The following EXD3 variants were observed in gnomAD, a reference collection of about 807,000 sequenced individuals.
The protein encoded by EXD3 is exonuclease mut-7 homolog.
A neutral mutation model predicts 98.0 loss-of-function variants in EXD3; 92 were observed. The observed-to-expected ratio is 0.94, with a 90% CI of 0.79 to 1.12. The LOEUF (loss-of-function observed/expected upper bound fraction) is 1.12. Among genes scored for constraint, EXD3 ranks in the 50% most tolerant of loss-of-function variants. EXD3 has a pLI of 0.00. For missense variants in EXD3, 1,222 were observed against 1,191.6 expected, an observed-to-expected ratio of 1.03 and a Z score of -0.38; for synonymous variants, 569 against 526.0, an observed-to-expected ratio of 1.08 and a Z score of -1.12.
intron 7 of EXD3, among the ~76,000 whole-genome samples, chr9:137,364,775 T>TTG (rs1397641109): frequency 1.3e-5 from 2 of 149,170 alleles, no homozygotes; most frequent in African/African-American, 2.5e-5. Flanking sequence ...TCTATGTTTT[T>TTG]TTTTTTTTTT....
At chr9:137,323,960 A>C (rs1832240274) in intron 18 of EXD3, 104 bp from the exon 19 acceptor site, 18 of 1,527,450 alleles carry the variant, frequency 1.2e-5, no homozygotes, top group Non-Finnish European at 1.5e-5. Context: ...CTCTCGGCCC[A>C]CCAGGGGTAC....
chr9:137,370,062 C>T (rs536790273), intron 5 of EXD3, among the ~76,000 whole-genome samples: 6 of 152,274 alleles, frequency 3.9e-5, no homozygotes, highest in African/African-American at 1.4e-4. Flanking sequence ...CCCCTAGCTC[C>T]ACCCTGGTAA....
chr9:137,365,754 G>GCACA (rs529700133), intron 7 of EXD3: 1 of 313,728 alleles, frequency 3.2e-6, no homozygotes, highest in Non-Finnish European at 6.2e-6. Context: ...ACACATACAT[G>GCACA]CACACACACA....
intron 17 of EXD3, among the ~76,000 whole-genome samples, chr9:137,329,980 G>A (rs1832908993): frequency 9.7e-6 from 1 of 102,698 alleles, no homozygotes; most frequent in Admixed American, 9.9e-5. Flanking sequence ...AGCTACACGG[G>A]ACTACACAGG....
At chr9:137,330,593 A>AGCTATACAGGAG (rs1191416865) in intron 17 of EXD3, among the ~76,000 whole-genome samples, 7 of 70,772 alleles carry the variant, frequency 9.9e-5, no homozygotes, top group Admixed American at 2.5e-4. Flanking sequence ...ACTACACAGG[A>AGCTATACAGGAG]CTACACAGGA....
intron 17 of EXD3, among the ~76,000 whole-genome samples, chr9:137,333,248 T>C (rs189191097): frequency 6.6e-6 from 1 of 152,328 alleles, no homozygotes; most frequent in Non-Finnish European, 1.5e-5. Flanking sequence ...GACTGAAGGC[T>C]GCACTGCCAG....
In EXD3 at chr9:137,352,658, C is replaced by G; in HGVS notation, c.999G>C (p.Ala333=). The G allele has an allele frequency of 7.1e-6, 11 of 1,549,256 alleles. No individual in the cohort carries two copies. Among genetic ancestry groups the G allele is most frequent in the Admixed American group, 2.0e-5 (1 of 50,860 alleles). ...LLLPEERLPA[A]VAVELRRFRL... is the part of the protein sequence containing the mutation. ...TGAACCGGCGGAGTTCCACAGCCAC[C>G]GCAGCCGGCAGCCGCTCCTCGGGCA... The change falls in exon 11 of 22, where the codon GCG becomes GCC. Residue 333 remains alanine, a synonymous_variant. Coordinates refer to ENST00000340951, the MANE Select transcript of EXD3 (RefSeq NM_017820.5).
At position 137,371,341 on chromosome 9, in the gene EXD3, G is replaced by C. The variant is rs890799326; in HGVS notation, c.462+1564C>G. ...CAGCGCCATGCACCCGCCGCGAGAC[G>C]ACGGCCCCGGGCGTGGCAGGTGACA... On this transcript the variant is annotated intron_variant, in intron 5 of 21. Coordinates refer to ENST00000340951, the MANE Select transcript of EXD3 (RefSeq NM_017820.5). The surrounding 1 kb of genome is among the most constrained non-coding windows in gnomAD (Gnocchi z 8.0). Among the ~76,000 whole-genome samples the C allele has an allele frequency of 6.6e-6, 1 of 152,196 alleles. No homozygotes were observed. Among genetic ancestry groups the C allele is most frequent in the African/African-American group, 2.4e-5 (1 of 41,452 alleles).
chr9:137,401,835 T>A (rs1353611658), intron 1 of EXD3, among the ~76,000 whole-genome samples: 1 of 152,216 alleles, frequency 6.6e-6, no homozygotes. Context: ...CATGAAGGTC[T>A]CTGACATGAC....
rs1049715555 is a variant in EXD3, at chr9:137,371,850, C to T, written c.462+1055G>A. On this transcript the variant is annotated intron_variant, in intron 5 of 21. Coordinates refer to ENST00000340951, the MANE Select transcript of EXD3 (RefSeq NM_017820.5). The surrounding 1 kb of genome is among the most constrained non-coding windows in gnomAD (Gnocchi z 8.0). Reference sequence around the variant, plus strand: ...ACTGGGATCTGGAATCTCAGGGCACCGAGAAGTCATGGGGGCTCCCCTGCA... The same window carrying T: ...ACTGGGATCTGGAATCTCAGGGCACTGAGAAGTCATGGGGGCTCCCCTGCA... Among the ~76,000 whole-genome samples, 1 of 151,980 alleles carries T rather than the reference C, an allele frequency of 6.6e-6. No homozygotes were observed. Among genetic ancestry groups the T allele is most frequent in the Admixed American group, 6.5e-5 (1 of 15,274 alleles).
In EXD3 at chr9:137,352,609, G is replaced by A; in HGVS notation, c.1037+11C>T. 1 of 1,534,920 alleles carries A rather than the reference G, an allele frequency of 6.5e-7. No individual in the cohort carries two copies. The highest frequency in any genetic ancestry group is 8.8e-7 in the Non-Finnish European group (1 of 1,140,356). ...CCCACCCCTGGCTGGGGTCACCCTGGCGGCGCTCACCTCCCCTGGAGCCTG... is the reference window on the plus strand; with the variant it reads ...CCCACCCCTGGCTGGGGTCACCCTGACGGCGCTCACCTCCCCTGGAGCCTG... On this transcript the variant is annotated intron_variant, in intron 11 of 21. Coordinates refer to ENST00000340951, the MANE Select transcript of EXD3 (RefSeq NM_017820.5).
intron 17 of EXD3, among the ~76,000 whole-genome samples, chr9:137,333,709 G>T (rs922811322): frequency 3.9e-5 from 6 of 152,164 alleles, no homozygotes; most frequent in African/African-American, 1.2e-4. Context: ...CTTCTGCCAG[G>T]ACTAGACATT....
intron 17 of EXD3, among the ~76,000 whole-genome samples, chr9:137,336,411 A>G (rs916832886): frequency 1.6e-4 from 24 of 152,248 alleles, no homozygotes; most frequent in African/African-American, 5.8e-4. Flanking sequence ...CTGTAATCCC[A>G]GCACTTCGGC....
chr9:137,340,492 G>T (rs1564490735), intron 17 of EXD3, among the ~76,000 whole-genome samples: 2 of 151,512 alleles, frequency 1.3e-5, no homozygotes, highest in South Asian at 4.2e-4. Flanking sequence ...AAAAAAAAAA[G>T]AAAGAGTTAA....
intron 17 of EXD3, among the ~76,000 whole-genome samples, chr9:137,342,595 C>T (rs969558790): frequency 2.0e-5 from 3 of 152,050 alleles, no homozygotes; most frequent in Admixed American, 2.0e-4. Context: ...TTCCAGAGCC[C>T]TAGGAGGAAA....
intron 3 of EXD3, among the ~76,000 whole-genome samples, chr9:137,376,073 G>A (rs904539849): frequency 6.6e-6 from 1 of 152,064 alleles, no homozygotes; most frequent in Non-Finnish European, 1.5e-5. Context: ...GGCCAGGCAC[G>A]GTGGCTCATG....
chr9:137,372,460 G>A (rs1213228089), intron 5 of EXD3, among the ~76,000 whole-genome samples: 1 of 152,224 alleles, frequency 6.6e-6, no homozygotes, highest in South Asian at 2.1e-4. Context: ...GCCGTGCCGG[G>A]GACTCAGTCA....
Position 137,324,167 on chromosome 9 carries a change from C to T in EXD3, c.1999-24G>A. On this transcript the variant is annotated intron_variant, in intron 17 of 21. Coordinates refer to ENST00000340951, the MANE Select transcript of EXD3 (RefSeq NM_017820.5). The surrounding 1 kb of genome is among the most constrained non-coding windows in gnomAD (Gnocchi z 4.1). ...ACCTGTGTGGGAGGTGCGACCAGCA[C>T]ATAAAGGGGGCAGCTCCGTGCTCCT... The T allele has an allele frequency of 1.9e-6, 3 of 1,561,816 alleles. No individual in the cohort carries two copies. Among genetic ancestry groups the T allele is most frequent in the African/African-American group, 1.4e-5 (1 of 73,690 alleles).
At chr9:137,383,806 G>A (rs1256880219) in intron 2 of EXD3, among the ~76,000 whole-genome samples, 2 of 152,156 alleles carry the variant, frequency 1.3e-5, no homozygotes, top group Non-Finnish European at 2.9e-5. Flanking sequence ...CCCTCTTTAG[G>A]TTTCGGTCCC....
Sources: gnomAD v4.1 joint callset for allele counts (sites outside exome capture counted in the v4.1 genomes callset) on GRCh38, gnomAD v4.1.1 for gene constraint, Gnocchi (gnomAD v3.1) non-coding constraint, MANE v1.5 for transcripts, NCBI Gene and HGNC (gene_info 2026-07-23, HGNC 2026-07-21) for gene names.